NFIB: variants seen among roughly 807,000 people sequenced by gnomAD.
NFIB encodes the protein nuclear factor 1 B-type.
A neutral mutation model predicts 61.5 loss-of-function variants in NFIB; 11 were observed. The observed-to-expected ratio is 0.18, with a 90% CI of 0.11 to 0.30. NFIB has a LOEUF of 0.30. Among genes scored for constraint, NFIB ranks in the 10% least tolerant of loss-of-function variants. NFIB has a pLI of 1.00. For synonymous variants in NFIB, 260 were observed against 216.5 expected (o/e 1.20, Z -1.76); for missense variants, 471 against 608.9 (o/e 0.77, Z 2.38).
At chr9:14,391,037 C>A (rs1457621993) in intron 1 of NFIB, among the ~76,000 whole-genome samples, 1 of 152,120 alleles carries the variant, frequency 6.6e-6, no homozygotes, top group Non-Finnish European at 1.5e-5. Context: ...AGAAGAATAT[C>A]AATTTGTACA....
the NFIB span, among the ~76,000 whole-genome samples, chr9:14,525,068 A>G: frequency 6.6e-6 from 1 of 152,166 alleles, no homozygotes; most frequent in African/African-American, 2.4e-5. Context: ...AATTGTCTCG[A>G]GGAAAGATGA....
intron 2 of NFIB, among the ~76,000 whole-genome samples, chr9:14,281,671 T>C (rs1018728435): frequency 1.3e-5 from 2 of 152,190 alleles, no homozygotes; most frequent in Admixed American, 1.3e-4. Flanking sequence ...CAACTCCATA[T>C]AGTTGTGTTT....
intron 10 of NFIB, among the ~76,000 whole-genome samples, chr9:14,103,455 C>T (rs192840840): frequency 4.1e-4 from 62 of 152,068 alleles, no homozygotes; most frequent in African/African-American, 1.4e-3. Flanking sequence ...ATCCACTAAA[C>T]CTTGTTTGCT....
chr9:14,384,340 C>G (rs2061525138), intron 1 of NFIB, among the ~76,000 whole-genome samples: 1 of 152,184 alleles, frequency 6.6e-6, no homozygotes, highest in African/African-American at 2.4e-5. Flanking sequence ...AGTAAACAGC[C>G]TGAGAGAAAT....
chr9:14,226,195 TAAAC>T, intron 2 of NFIB, among the ~76,000 whole-genome samples: 1 of 152,218 alleles, frequency 6.6e-6, no homozygotes, highest in South Asian at 2.1e-4. Flanking sequence ...AACAAGCTAA[TAAAC>T]AATATTTGGA....
chr9:14,395,888 G>T (rs2061680055), intron 1 of NFIB, among the ~76,000 whole-genome samples: 1 of 151,544 alleles, frequency 6.6e-6, no homozygotes, highest in South Asian at 2.1e-4. Flanking sequence ...TTCAGTTGAG[G>T]CTGGGGTGTG....
At chr9:14,373,641 AGTGTGT>A (rs56764067) in intron 1 of NFIB, among the ~76,000 whole-genome samples, 14,546 of 143,160 alleles carry the variant, frequency 0.1, 878 homozygotes, top group African/African-American at 0.18. Flanking sequence ...TGTCCACATG[AGTGTGT>A]GTGTGTGTGT....
chr9:14,105,455 T>C (rs1483758725), intron 10 of NFIB, among the ~76,000 whole-genome samples: 1 of 152,196 alleles, frequency 6.6e-6, no homozygotes, highest in Non-Finnish European at 1.5e-5. Context: ...CAACATTTCT[T>C]GAACTTTCTG....
intron 10 of NFIB, among the ~76,000 whole-genome samples, chr9:14,090,650 G>A (rs1196349574): frequency 6.6e-6 from 1 of 152,018 alleles, no homozygotes; most frequent in East Asian, 1.9e-4. Context: ...CTTGAAGTAA[G>A]AAGCATGTAC....
chr9:14,235,131 G>T (rs1416717076), intron 2 of NFIB, among the ~76,000 whole-genome samples: 1 of 151,968 alleles, frequency 6.6e-6, no homozygotes, highest in South Asian at 2.1e-4. Flanking sequence ...AATGTTATAC[G>T]ATTGAAAACA....
intron 3 of NFIB, among the ~76,000 whole-genome samples, chr9:14,168,026 T>C (rs560317746): frequency 1.3e-5 from 2 of 152,310 alleles, no homozygotes; most frequent in African/African-American, 2.4e-5. Context: ...CTACATAAGA[T>C]GAGGAGTTCA....
the NFIB span, among the ~76,000 whole-genome samples, chr9:14,460,448 C>G: frequency 9.9e-5 from 15 of 152,020 alleles, 1 homozygote; most frequent in Non-Finnish European, 1.9e-4. Flanking sequence ...AGCACACCAA[C>G]ATGGCACATG....
rs1460722860 is a variant in NFIB, at chr9:14,167,938, G to T, written c.616+11789C>A. Among the ~76,000 whole-genome samples the T allele has an allele frequency of 3.3e-5, 5 of 152,186 alleles. No individual in the cohort carries two copies. In the East Asian group the frequency reaches 9.6e-4, roughly 29 times the overall value. On this transcript the variant is annotated intron_variant, in intron 3 of 10. Coordinates refer to ENST00000380953, the MANE Select transcript of NFIB (RefSeq NM_001190737.2). ...GAGAAACTCTATCCACCTGAGATTAGTATTCTGAATCAGCAATTATATTGG... is the reference window on the plus strand; with the variant it reads ...GAGAAACTCTATCCACCTGAGATTATTATTCTGAATCAGCAATTATATTGG...
intron 2 of NFIB, among the ~76,000 whole-genome samples, chr9:14,289,970 C>G (rs2058981143): frequency 6.6e-6 from 1 of 151,980 alleles, no homozygotes; most frequent in South Asian, 2.1e-4. Flanking sequence ...TTGAACACTC[C>G]CCGCTAGGCA....
intron 1 of NFIB, among the ~76,000 whole-genome samples, chr9:14,327,904 G>C (rs983304390): frequency 6.6e-6 from 1 of 152,178 alleles, no homozygotes; most frequent in Non-Finnish European, 1.5e-5. Flanking sequence ...TATGGTTCAT[G>C]ATGTGAGAAA....
At chr9:14,295,329 A>C (rs980442397) in intron 2 of NFIB, among the ~76,000 whole-genome samples, 2 of 152,172 alleles carry the variant, frequency 1.3e-5, no homozygotes, top group East Asian at 1.9e-4. Flanking sequence ...ATGCTTTTTT[A>C]AGGACAATCC....
intron 1 of NFIB, among the ~76,000 whole-genome samples, chr9:14,382,749 T>G (rs986604507): frequency 6.6e-6 from 1 of 151,952 alleles, no homozygotes; most frequent in Non-Finnish European, 1.5e-5. Context: ...AGTCATATAT[T>G]CACCCAAGGG....
intron 10 of NFIB, among the ~76,000 whole-genome samples, chr9:14,103,736 C>A (rs558296473): frequency 6.6e-6 from 1 of 151,802 alleles, no homozygotes; most frequent in Non-Finnish European, 1.5e-5. Flanking sequence ...TTCCAAACCA[C>A]GTGTTTTAGT....
the NFIB span, among the ~76,000 whole-genome samples, chr9:14,529,654 G>C: frequency 1.3e-5 from 2 of 152,072 alleles, no homozygotes; most frequent in East Asian, 3.9e-4. Flanking sequence ...CAAAGCATCT[G>C]TCATTCCAAG....
Sources: gnomAD v4.1 joint callset for allele counts (sites outside exome capture counted in the v4.1 genomes callset) on GRCh38, gnomAD v4.1.1 for gene constraint, MANE v1.5 for transcripts, NCBI Gene and HGNC (gene_info 2026-07-23, HGNC 2026-07-21) for gene names.